Variants in EGLN3 observed in about 807,000 individuals in gnomAD.
EGLN3 encodes egl-9 family hypoxia inducible factor 3.
In EGLN3, 15 loss-of-function variants were observed where a neutral mutation model predicts 26.0. The observed-to-expected ratio is 0.58, with a 90% confidence interval of 0.39 to 0.89. The LOEUF (loss-of-function observed/expected upper bound fraction) is 0.89. Among genes scored for constraint, EGLN3 ranks in the 40% least tolerant of loss-of-function variants. EGLN3 has a pLI of 0.00. For synonymous variants in EGLN3, 147 were observed against 127.2 expected, an observed-to-expected ratio of 1.16 and a Z score of -1.05; for missense variants, 238 against 311.6, an observed-to-expected ratio of 0.76 and a Z score of 1.78.
Position 33,933,655 on chromosome 14 carries a change from G to T in EGLN3, c.358-2440C>A, listed in dbSNP as rs117236415. On this transcript the variant is annotated intron_variant, in intron 1 of 4. Transcript: ENST00000250457. Reference sequence around the variant, plus strand: ...TGAGTGCCATAGGAGATGGGTCTTTGCTTGGGCACATTCCCAACTATTTGC... The same window carrying T: ...TGAGTGCCATAGGAGATGGGTCTTTTCTTGGGCACATTCCCAACTATTTGC... Among the ~76,000 whole-genome samples the T allele has an allele frequency of 3.4e-4, 51 of 152,234 alleles. No individual in the cohort carries two copies. In the Middle Eastern group the frequency reaches 0.01, roughly 30 times the overall value.
chr14:33,931,766 A>G (rs754755794), intron 1 of EGLN3, among the ~76,000 whole-genome samples: 1 of 152,262 alleles, frequency 6.6e-6, no homozygotes, highest in African/African-American at 2.4e-5. Context: ...ATAGAGGAAG[A>G]TCAATAGGAA....
At chr14:33,942,406 T>C (rs574473694) in intron 1 of EGLN3, among the ~76,000 whole-genome samples, 5 of 152,270 alleles carry the variant, frequency 3.3e-5, no homozygotes, top group African/African-American at 9.6e-5. Context: ...CTTGCCTGAA[T>C]CTTCAATATT....
intron 2 of EGLN3, among the ~76,000 whole-genome samples, chr14:33,930,664 T>A (rs2064396217): frequency 6.6e-6 from 1 of 152,174 alleles, no homozygotes; most frequent in African/African-American, 2.4e-5. Flanking sequence ...GGGAGAGGAC[T>A]GTGTGGGAAA....
chr14:33,930,680 CT>C (rs2064396399), intron 2 of EGLN3, among the ~76,000 whole-genome samples: 1 of 152,156 alleles, frequency 6.6e-6, no homozygotes, highest in Non-Finnish European at 1.5e-5. Flanking sequence ...GGAAATCTCT[CT>C]TGGGGATGGT....
chr14:33,944,592 A>G (rs929547196), intron 1 of EGLN3, among the ~76,000 whole-genome samples: 1 of 152,216 alleles, frequency 6.6e-6, no homozygotes, highest in Non-Finnish European at 1.5e-5. Flanking sequence ...TATAGTTTTG[A>G]TCACTTGTTC....
At chr14:33,946,451 A>G (rs2064519151) in intron 1 of EGLN3, among the ~76,000 whole-genome samples, 1 of 152,182 alleles carries the variant, frequency 6.6e-6, no homozygotes, top group African/African-American at 2.4e-5. Flanking sequence ...AATGTACTCA[A>G]CTGACCCACT....
rs577146761 is a variant in EGLN3 at position 33,941,464 on chromosome 14, A to T, written c.357+8932T>A. 2.6e-5 allele frequency among the ~76,000 whole-genome samples: 4 copies of T among 152,192 alleles called. No homozygotes were observed. The East Asian group carries it at 7.7e-4, about 29-fold the overall frequency. On this transcript the variant is annotated intron_variant, in intron 1 of 4. Transcript: ENST00000250457. ...CTCCATTGAGATGGTCTCACATAAC[A>T]TGTCACTCTAATAAAATATTTAAAT... is the stretch of plus-strand genomic sequence containing the variant.
intron 1 of EGLN3, among the ~76,000 whole-genome samples, chr14:33,935,333 T>C (rs546819179): frequency 5.9e-5 from 9 of 152,288 alleles, no homozygotes; most frequent in African/African-American, 2.2e-4. Context: ...CTTAAGTGTT[T>C]TGTAGTTTTG....
chr14:33,950,837 G>T lies in EGLN3; in HGVS notation c.-85C>A. ...CACGAGCGCGAAGCCGAGGCGCGGG[G>T]AGCGTGGCCCGGGGTTCAGAAACCT... On this transcript the variant is annotated 5_prime_UTR_variant, in exon 1 of 5. Transcript: ENST00000250457. 3 of 1,291,688 alleles carry T rather than the reference G, an allele frequency of 2.3e-6. No individual in the cohort carries two copies. The allele number at this position is 1,291,688 out of a possible 1,614,324, so 80.0% of individuals were successfully genotyped here. A position where few individuals can be genotyped will look rare whatever the true frequency, so the allele number is the denominator to read the frequency against.
chr14:33,945,180 C>T (rs1267991544), intron 1 of EGLN3, among the ~76,000 whole-genome samples: 1 of 152,132 alleles, frequency 6.6e-6, no homozygotes, highest in African/African-American at 2.4e-5. Flanking sequence ...AAACTCAGCA[C>T]TCCTTCTCCC....
chr14:33,934,466 T>TAAAAAA (rs369949234), intron 1 of EGLN3, among the ~76,000 whole-genome samples: 29 of 138,378 alleles, frequency 2.1e-4, no homozygotes, highest in African/African-American at 7.0e-4. Flanking sequence ...GCTGACTTCA[T>TAAAAAA]AAAAAAAAAA....
chr14:33,930,788 T>C (rs979312897), intron 2 of EGLN3, among the ~76,000 whole-genome samples: 2 of 152,178 alleles, frequency 1.3e-5, no homozygotes, highest in African/African-American at 4.8e-5. Flanking sequence ...AGAACAACTC[T>C]GAATTAAACT....
chr14:33,947,442 C>G (rs2064525819), intron 1 of EGLN3, among the ~76,000 whole-genome samples: 1 of 152,118 alleles, frequency 6.6e-6, no homozygotes, highest in Non-Finnish European at 1.5e-5. Context: ...ATATTTCTTT[C>G]TATATTCTTC....
At chr14:33,929,481 T>G (rs2064386463) in intron 2 of EGLN3, among the ~76,000 whole-genome samples, 1 of 152,158 alleles carries the variant, frequency 6.6e-6, no homozygotes, top group Admixed American at 6.5e-5. Context: ...GCCTCCCGAG[T>G]AGCTGGGATT....
intron 3 of EGLN3, 53 bp from the exon 4 acceptor site, chr14:33,927,086 C>G: frequency 7.8e-7 from 1 of 1,282,244 alleles, no homozygotes. Flanking sequence ...CTACTAGAAA[C>G]ACAAATGTCC....
chr14:33,942,245 G>A (rs1461143442), intron 1 of EGLN3, among the ~76,000 whole-genome samples: 1 of 149,404 alleles, frequency 6.7e-6, no homozygotes, highest in East Asian at 2.0e-4. Flanking sequence ...TTTCTACTAA[G>A]AAAGGGCCCC....
At chr14:33,932,089 C>A (rs1457874041) in intron 1 of EGLN3, among the ~76,000 whole-genome samples, 1 of 152,136 alleles carries the variant, frequency 6.6e-6, no homozygotes. Context: ...TCACAGGATA[C>A]CGCCATGTTT....
At chr14:33,949,895 C>CATT in intron 1 of EGLN3, 3 of 206,226 alleles carry the variant, frequency 1.5e-5, no homozygotes, top group East Asian at 1.2e-4. Flanking sequence ...CACACCTGCC[C>CATT]AACTCCACAA....
chr14:33,947,296 G>T (rs138675133), intron 1 of EGLN3, among the ~76,000 whole-genome samples: 14 of 152,230 alleles, frequency 9.2e-5, no homozygotes, highest in Admixed American at 2.6e-4. Flanking sequence ...TTGAAGTTAG[G>T]GGGGGCCATA....
Sources: allele counts gnomAD v4.1 joint callset (sites outside exome capture counted in the v4.1 genomes callset), GRCh38; gene constraint gnomAD v4.1.1; transcripts MANE v1.5; gene names NCBI Gene and HGNC (gene_info 2026-07-23, HGNC 2026-07-21).